The following GRM7 variants were observed in gnomAD, a reference collection of about 807,000 sequenced individuals.
GRM7 encodes metabotropic glutamate receptor 7.
GRM7 carries 35 observed loss-of-function variants against 84.5 expected under a neutral mutation model. The observed-to-expected ratio is 0.41, with a 90% CI of 0.32 to 0.55. The LOEUF is 0.55. GRM7 is among the 20% of genes least tolerant of loss of function. The probability of loss-of-function intolerance (pLI) is 0.19; values close to 1 mark genes in which losing one functional copy is unlikely to be tolerated. For missense variants in GRM7, 1,003 were observed against 1,194.6 expected, an observed-to-expected ratio of 0.84 and a Z score of 2.36; for synonymous variants, 487 against 455.1, an observed-to-expected ratio of 1.07 and a Z score of -0.89.
intron 1 of GRM7, among the ~76,000 whole-genome samples, chr3:7,113,244 T>C (rs1253728758): frequency 6.6e-6 from 1 of 152,134 alleles, no homozygotes; most frequent in African/African-American, 2.4e-5. Flanking sequence ...ATTGTCATAG[T>C]TTAATTATAG....
intron 5 of GRM7, among the ~76,000 whole-genome samples, chr3:7,428,736 A>G (rs1321171161): frequency 6.6e-6 from 1 of 152,196 alleles, no homozygotes; most frequent in Non-Finnish European, 1.5e-5. Flanking sequence ...TAGCACAGGC[A>G]GAACCCCCAA....
intron 1 of GRM7, among the ~76,000 whole-genome samples, chr3:6,998,454 A>G (rs892818819): frequency 1.3e-5 from 2 of 152,130 alleles, no homozygotes; most frequent in African/African-American, 2.4e-5. Flanking sequence ...GCAAGCTGTC[A>G]GTGGATCTAC....
At chr3:7,360,983 C>A (rs9821672) in intron 4 of GRM7, among the ~76,000 whole-genome samples, 8 of 152,026 alleles carry the variant, frequency 5.3e-5, no homozygotes, top group Non-Finnish European at 5.9e-5. Flanking sequence ...AAATTCTCTG[C>A]CTAATCTGTG....
At chr3:7,009,040 T>C (rs915799506) in intron 1 of GRM7, among the ~76,000 whole-genome samples, 1 of 152,190 alleles carries the variant, frequency 6.6e-6, no homozygotes, top group Non-Finnish European at 1.5e-5. Context: ...TAGTGACTTA[T>C]CCTTAAAGAA....
At chr3:7,697,116 T>G (rs1701051949) in intron 9 of GRM7, among the ~76,000 whole-genome samples, 1 of 152,138 alleles carries the variant, frequency 6.6e-6, no homozygotes, top group Non-Finnish European at 1.5e-5. Flanking sequence ...GCATACAAGC[T>G]ATACATTTTT....
chr3:7,508,887 G>A (rs1700113841), intron 7 of GRM7, among the ~76,000 whole-genome samples: 2 of 152,118 alleles, frequency 1.3e-5, no homozygotes, highest in Admixed American at 1.3e-4. Context: ...CATCTGCATT[G>A]GCAAGCGAAG....
At chr3:7,423,488 T>C (rs1339984035) in intron 5 of GRM7, among the ~76,000 whole-genome samples, 1 of 152,198 alleles carries the variant, frequency 6.6e-6, no homozygotes, top group Non-Finnish European at 1.5e-5. Flanking sequence ...AAAGTGCCCT[T>C]ATAAGCAATA....
intron 1 of GRM7, among the ~76,000 whole-genome samples, chr3:6,872,145 T>C (rs1054498810): frequency 8.5e-5 from 13 of 152,234 alleles, no homozygotes; most frequent in African/African-American, 3.1e-4. Flanking sequence ...GTATGCCTAC[T>C]GGGACCACAA....
At chr3:7,171,853 T>C (rs1203210587) in intron 2 of GRM7, among the ~76,000 whole-genome samples, 2 of 152,228 alleles carry the variant, frequency 1.3e-5, no homozygotes, top group Non-Finnish European at 2.9e-5. Context: ...GAGGGTTGTG[T>C]GCAGTCTAGA....
chr3:7,706,890 T>C (rs1264797432), intron 9 of GRM7, among the ~76,000 whole-genome samples: 1 of 152,138 alleles, frequency 6.6e-6, no homozygotes, highest in Non-Finnish European at 1.5e-5. Flanking sequence ...GGTCACTATC[T>C]GGCTAGGAGG....
intron 2 of GRM7, among the ~76,000 whole-genome samples, chr3:7,276,788 T>TCCCTCCC (rs1164181994): frequency 0.056 from 200 of 3,590 alleles, 74 homozygotes; most frequent in South Asian, 0.13. Flanking sequence ...CCTTCCTTCC[T>TCCCTCCC]TCCTTCCTTC....
chr3:7,150,107 A>AAG, intron 2 of GRM7, among the ~76,000 whole-genome samples: 1 of 151,700 alleles, frequency 6.6e-6, no homozygotes, highest in South Asian at 2.1e-4. Flanking sequence ...GAGAGCAAGA[A>AAG]AGAGAGAGGG....
chr3:7,651,366 T>A (rs1187883248), intron 8 of GRM7, among the ~76,000 whole-genome samples: 1 of 152,206 alleles, frequency 6.6e-6, no homozygotes, highest in African/African-American at 2.4e-5. Context: ...GAACTGCCAG[T>A]TCATTTGTTT....
intron 8 of GRM7, among the ~76,000 whole-genome samples, chr3:7,634,030 G>A (rs1220417673): frequency 6.6e-6 from 1 of 151,960 alleles, no homozygotes; most frequent in Non-Finnish European, 1.5e-5. Flanking sequence ...AAGCATTGCA[G>A]TTCTCATTTC....
intron 7 of GRM7, among the ~76,000 whole-genome samples, chr3:7,478,684 G>C (rs1575397147): frequency 6.6e-6 from 1 of 151,672 alleles, no homozygotes; most frequent in East Asian, 1.9e-4. Flanking sequence ...GAAAGGTTGG[G>C]TATGTAGAAC....
At chr3:7,087,158 A>T (rs1334509117) in intron 1 of GRM7, among the ~76,000 whole-genome samples, 2 of 152,284 alleles carry the variant, frequency 1.3e-5, no homozygotes, top group African/African-American at 2.4e-5. Flanking sequence ...TCTTCTTATG[A>T]TTAAGAAATT....
At position 7,596,277 on chromosome 3, in the gene GRM7, G is replaced by A. The variant is rs892396274; in HGVS notation, c.2451+16920G>A. ...CAAGACTAGAGGAGAGGGAAGGTTG[G>A]CAGGAAAGAGGCAACTTCGGACACA... On this transcript the variant is annotated intron_variant, in intron 8 of 9. Coordinates refer to ENST00000357716, the MANE Select transcript of GRM7 (RefSeq NM_000844.4). 2.6e-4 allele frequency among the ~76,000 whole-genome samples: 39 copies of A among 152,136 alleles called. 1 individual carries two copies. Among genetic ancestry groups the A allele is most frequent in the Admixed American group, 2.4e-3 (37 of 15,264 alleles).
intron 2 of GRM7, among the ~76,000 whole-genome samples, chr3:7,265,122 C>CA (rs1698591157): frequency 6.6e-6 from 1 of 152,210 alleles, no homozygotes; most frequent in African/African-American, 2.4e-5. Context: ...ACTAGGGACA[C>CA]ATTCAAACAC....
At chr3:7,015,402 T>A (rs1454543220) in intron 1 of GRM7, among the ~76,000 whole-genome samples, 2 of 152,210 alleles carry the variant, frequency 1.3e-5, no homozygotes, top group Non-Finnish European at 2.9e-5. Flanking sequence ...ATGAGTAATT[T>A]AATGAGTAAA....
Sources: allele counts gnomAD v4.1 joint callset (sites outside exome capture counted in the v4.1 genomes callset), GRCh38; gene constraint gnomAD v4.1.1; transcripts MANE v1.5; gene names NCBI Gene and HGNC (gene_info 2026-07-23, HGNC 2026-07-21).